Variants in TMEM132D observed in about 807,000 individuals in gnomAD.
TMEM132D encodes transmembrane protein 132D.
TMEM132D carries 21 observed loss-of-function variants against 62.3 expected under a neutral mutation model. The ratio of observed to expected loss-of-function variants is 0.34; its 90% CI spans 0.24 to 0.49. TMEM132D has a LOEUF of 0.49. TMEM132D is among the 20% of genes least tolerant of loss of function. TMEM132D has a pLI of 0.99. For synonymous variants in TMEM132D, 621 were observed against 575.6 expected (o/e 1.08, Z -1.13); for missense variants, 1,346 against 1,402.8 (o/e 0.96, Z 0.65).
intron 1 of TMEM132D, among the ~76,000 whole-genome samples, chr12:129,873,067 G>A (rs1000490084): frequency 6.6e-6 from 1 of 152,150 alleles, no homozygotes; most frequent in East Asian, 1.9e-4. Context: ...CACGCGCCTG[G>A]AGTCTGATAG....
chr12:129,610,618 G>A (rs1878747789), intron 2 of TMEM132D, among the ~76,000 whole-genome samples: 2 of 152,130 alleles, frequency 1.3e-5, no homozygotes, highest in African/African-American at 4.8e-5. Flanking sequence ...AACTGGCTGG[G>A]AGGAAGTAGC....
At chr12:129,251,385 A>G (rs1480306897) in intron 4 of TMEM132D, among the ~76,000 whole-genome samples, 3 of 139,844 alleles carry the variant, frequency 2.1e-5, no homozygotes, top group Admixed American at 7.2e-5. Flanking sequence ...AAAAAAAAAG[A>G]AGAGAGAAAA....
At chr12:129,625,834 G>T (rs1160539191) in intron 2 of TMEM132D, among the ~76,000 whole-genome samples, 1 of 152,198 alleles carries the variant, frequency 6.6e-6, no homozygotes, top group East Asian at 1.9e-4. Flanking sequence ...TGCCCACTCA[G>T]AGGGGGTATG....
intron 1 of TMEM132D, among the ~76,000 whole-genome samples, chr12:129,786,984 G>A (rs61943437): frequency 0.059 from 9,049 of 152,178 alleles, 314 homozygotes; most frequent in East Asian, 0.099. Context: ...GGAATGTGAC[G>A]GGCAAGTTGC....
At chr12:129,565,837 C>A (rs1007135520) in intron 2 of TMEM132D, among the ~76,000 whole-genome samples, 1 of 152,198 alleles carries the variant, frequency 6.6e-6, no homozygotes, top group Admixed American at 6.5e-5. Context: ...GACTGAGAAC[C>A]AAGGACCCAC....
chr12:129,755,611 T>A (rs557731489), intron 1 of TMEM132D, among the ~76,000 whole-genome samples: 1 of 152,354 alleles, frequency 6.6e-6, no homozygotes, highest in East Asian at 1.9e-4. Context: ...TATCTTTTTA[T>A]GCCCCTTTTG....
At chr12:129,579,978 G>A (rs1352184471) in intron 2 of TMEM132D, among the ~76,000 whole-genome samples, 1 of 152,200 alleles carries the variant, frequency 6.6e-6, no homozygotes, top group African/African-American at 2.4e-5. Context: ...GGACTAGCAA[G>A]AGCAGAGGAA....
chr12:129,398,542 T>A (rs1365797895), intron 3 of TMEM132D, among the ~76,000 whole-genome samples: 1 of 152,198 alleles, frequency 6.6e-6, no homozygotes, highest in Admixed American at 6.5e-5. Flanking sequence ...GATAGAAAAG[T>A]ATCTGGGTTG....
intron 1 of TMEM132D, among the ~76,000 whole-genome samples, chr12:129,802,096 C>G (rs1871809585): frequency 6.6e-6 from 1 of 150,442 alleles, no homozygotes; most frequent in Admixed American, 6.6e-5. Context: ...AGAATGGAAC[C>G]AAGTTGGAAA....
At chr12:129,836,575 C>A (rs1026393112) in intron 1 of TMEM132D, among the ~76,000 whole-genome samples, 1 of 151,958 alleles carries the variant, frequency 6.6e-6, no homozygotes, top group Non-Finnish European at 1.5e-5. Context: ...CAAGTATATG[C>A]TACATTTCAT....
At chr12:129,556,069 G>C (rs1877048064) in intron 2 of TMEM132D, among the ~76,000 whole-genome samples, 1 of 152,136 alleles carries the variant, frequency 6.6e-6, no homozygotes, top group Non-Finnish European at 1.5e-5. Context: ...ACATGAACTA[G>C]ACACCAACGC....
At chr12:129,174,339 T>C (rs1018479399) in intron 5 of TMEM132D, among the ~76,000 whole-genome samples, 2 of 152,222 alleles carry the variant, frequency 1.3e-5, no homozygotes, top group African/African-American at 2.4e-5. Context: ...TTTGGTTTTC[T>C]GTTCCTGTGT....
chr12:129,180,780 C>G (rs963695690), intron 5 of TMEM132D, among the ~76,000 whole-genome samples: 7 of 151,734 alleles, frequency 4.6e-5, no homozygotes, highest in Middle Eastern at 3.4e-3. Context: ...CTTGTCTTCT[C>G]TTCATCAGGA....
chr12:129,697,348 T>G (rs528781704), intron 2 of TMEM132D, among the ~76,000 whole-genome samples: 1 of 152,192 alleles, frequency 6.6e-6, no homozygotes, highest in African/African-American at 2.4e-5. Flanking sequence ...TAAAAAGATA[T>G]ACAGTTTTAT....
rs556089030 is a variant in TMEM132D at position 129,677,049 on chromosome 12, T to C, written c.968+22761A>G. Among the ~76,000 whole-genome samples the C allele has an allele frequency of 4.6e-5, 7 of 152,298 alleles. No individual in the cohort carries two copies. In the East Asian group the frequency reaches 1.4e-3, roughly 29 times the overall value. On this transcript the variant is annotated intron_variant, in intron 2 of 8. Coordinates refer to ENST00000422113, the MANE Select transcript of TMEM132D (RefSeq NM_133448.3). Reference sequence around the variant, plus strand: ...GTGAATGTACATAACCGAAGTCCCTTTATGGATCACTTTGGTGATTTGCTG... The same window carrying C: ...GTGAATGTACATAACCGAAGTCCCTCTATGGATCACTTTGGTGATTTGCTG...
chr12:129,414,768 C>T (rs1202210419), intron 3 of TMEM132D, among the ~76,000 whole-genome samples: 3 of 152,146 alleles, frequency 2.0e-5, no homozygotes, highest in Admixed American at 6.5e-5. Flanking sequence ...ATTTTACAAC[C>T]GAAAATTTGC....
At chr12:129,516,645 A>G (rs1875692888) in intron 3 of TMEM132D, among the ~76,000 whole-genome samples, 1 of 152,172 alleles carries the variant, frequency 6.6e-6, no homozygotes, top group Non-Finnish European at 1.5e-5. Context: ...TGTGGGAATT[A>G]TGGGAGCTAC....
At chr12:129,873,349 AT>A (rs377544531) in intron 1 of TMEM132D, among the ~76,000 whole-genome samples, 12 of 152,182 alleles carry the variant, frequency 7.9e-5, no homozygotes, top group South Asian at 2.1e-4. Flanking sequence ...AGCTGTTGGG[AT>A]TGTCATTATC....
At chr12:129,079,319 A>G (rs943335270) in intron 7 of TMEM132D, among the ~76,000 whole-genome samples, 1 of 152,202 alleles carries the variant, frequency 6.6e-6, no homozygotes, top group Non-Finnish European at 1.5e-5. Context: ...GATGAGGAAT[A>G]TCGTTGGGCA....
Sources: allele counts gnomAD v4.1 joint callset (sites outside exome capture counted in the v4.1 genomes callset), GRCh38; gene constraint gnomAD v4.1.1; transcripts MANE v1.5; gene names NCBI Gene and HGNC (gene_info 2026-07-23, HGNC 2026-07-21).